Variants in LDLRAD4 observed in about 807,000 individuals in gnomAD.
The protein encoded by LDLRAD4 is low density lipoprotein receptor class A domain containing 4.
LDLRAD4 carries 5 observed loss-of-function variants against 17.0 expected under a neutral mutation model. That is an observed-to-expected ratio of 0.29 (90% CI 0.15 to 0.62). The LOEUF is 0.62. LDLRAD4 is among the 20% of genes least tolerant of loss of function. LDLRAD4 has a pLI of 0.84. For synonymous variants in LDLRAD4, 168 were observed against 171.8 expected (o/e 0.98, Z 0.17); for missense variants, 340 against 424.7 (o/e 0.80, Z 1.75).
chr18:13,257,028 G>T (rs558749344), intron 1 of LDLRAD4, among the ~76,000 whole-genome samples: 1 of 152,338 alleles, frequency 6.6e-6, no homozygotes, highest in African/African-American at 2.4e-5. Flanking sequence ...GTGCAAATTT[G>T]TTAATACTTC....
At chr18:13,510,023 A>G (rs1470807951) in intron 3 of LDLRAD4, among the ~76,000 whole-genome samples, 1 of 152,196 alleles carries the variant, frequency 6.6e-6, no homozygotes, top group Admixed American at 6.5e-5. Flanking sequence ...TAACTTTTAT[A>G]TGCACTGGGA....
At position 13,621,695 on chromosome 18, in the gene LDLRAD4, C is replaced by T. The variant is rs1249333740; in HGVS notation, c.336+424C>T. ...GTGCTGCGGGGACAAATCACGCGCT[C>T]ATCGTCACTAAACGTGCCGGCAGCA... On this transcript the variant is annotated intron_variant, in intron 4 of 5. Coordinates refer to ENST00000359446, the Ensembl canonical transcript of LDLRAD4. This position sits in a 1 kb window ranked among gnomAD's most constrained non-coding sequence, Gnocchi z 5.5. 2.6e-5 allele frequency among the ~76,000 whole-genome samples: 4 copies of T among 152,204 alleles called. No homozygotes were observed. The highest frequency in any genetic ancestry group is 9.6e-5 in the African/African-American group (4 of 41,460).
rs941846025 is a variant in LDLRAD4, at chr18:13,590,035, A to G, written c.182-31082A>G. ...TGGCTGTGCATGTGTATGGGTGTGCATGTGTGTGAGTGTGCATGTGTGTGA... is the reference window on the plus strand; with the variant it reads ...TGGCTGTGCATGTGTATGGGTGTGCGTGTGTGTGAGTGTGCATGTGTGTGA... On this transcript the variant is annotated intron_variant, in intron 3 of 5. Transcript: ENST00000359446. Among the ~76,000 whole-genome samples the G allele has an allele frequency of 2.1e-5, 3 of 141,228 alleles. No individual in the cohort carries two copies. In the East Asian group the frequency reaches 6.5e-4, roughly 31 times the overall value. The allele number at this position is 141,228 out of a possible 152,430, so 92.7% of individuals were successfully genotyped here.
At chr18:13,652,303 T>C (rs2043279581) in exon 6 of LDLRAD4, 1 of 152,250 alleles carries the variant, frequency 6.6e-6, no homozygotes, top group Non-Finnish European at 1.5e-5. Flanking sequence ...TATTTTTCAT[T>C]TCATAGCTTT....
intron 1 of LDLRAD4, among the ~76,000 whole-genome samples, chr18:13,355,202 T>A (rs750354518): frequency 6.6e-6 from 1 of 152,232 alleles, no homozygotes; most frequent in Non-Finnish European, 1.5e-5. Context: ...TTTAATCAGA[T>A]CTTACTAATT....
intron 1 of LDLRAD4, among the ~76,000 whole-genome samples, chr18:13,306,218 T>G (rs181521209): frequency 1.3e-5 from 2 of 152,378 alleles, no homozygotes; most frequent in Admixed American, 1.3e-4. Context: ...CTTATCATTT[T>G]GTGCAAATGC....
chr18:13,347,706 C>T (rs2082773581), intron 1 of LDLRAD4, among the ~76,000 whole-genome samples: 1 of 152,238 alleles, frequency 6.6e-6, no homozygotes, highest in Non-Finnish European at 1.5e-5. Context: ...CTTTCAGGTA[C>T]ACCAATCAGA....
chr18:13,256,553 A>C (rs2043515489), intron 1 of LDLRAD4, among the ~76,000 whole-genome samples: 1 of 152,246 alleles, frequency 6.6e-6, no homozygotes, highest in South Asian at 2.1e-4. Flanking sequence ...CTTCGAGATC[A>C]GTATTGTATT....
intron 3 of LDLRAD4, among the ~76,000 whole-genome samples, chr18:13,449,996 T>C (rs1414627234): frequency 6.6e-6 from 1 of 152,176 alleles, no homozygotes; most frequent in African/African-American, 2.4e-5. Context: ...TGACTTTTTG[T>C]GGAAGGACAG....
At chr18:13,302,173 T>G (rs2046645335) in intron 1 of LDLRAD4, among the ~76,000 whole-genome samples, 1 of 152,246 alleles carries the variant, frequency 6.6e-6, no homozygotes, top group Non-Finnish European at 1.5e-5. Flanking sequence ...ATGCCACTTG[T>G]AATTCACTGC....
intron 3 of LDLRAD4, among the ~76,000 whole-genome samples, chr18:13,454,767 G>T (rs1363904746): frequency 6.6e-6 from 1 of 152,254 alleles, no homozygotes; most frequent in African/African-American, 2.4e-5. Context: ...CTGGAGGGCA[G>T]AGAGGCACTG....
chr18:13,247,977 T>TTA (rs1555627116), intron 1 of LDLRAD4, among the ~76,000 whole-genome samples: 2 of 149,808 alleles, frequency 1.3e-5, no homozygotes, highest in African/African-American at 2.5e-5. Flanking sequence ...TTTTTTTTTT[T>TTA]AAAGACAGAG....
At chr18:13,355,459 C>T (rs2083282024) in intron 1 of LDLRAD4, among the ~76,000 whole-genome samples, 1 of 152,186 alleles carries the variant, frequency 6.6e-6, no homozygotes, top group African/African-American at 2.4e-5. Flanking sequence ...GAGTCAGTGG[C>T]TCATTCACAT....
At chr18:13,262,581 C>T (rs76550148) in intron 1 of LDLRAD4, among the ~76,000 whole-genome samples, 10 of 33,458 alleles carry the variant, frequency 3.0e-4, no homozygotes, top group Admixed American at 7.5e-4. Flanking sequence ...CGTGCGGCTC[C>T]GTGCGTTGGG....
Position 13,349,429 on chromosome 18 carries a change from A to G in LDLRAD4, c.-382-37912A>G, listed in dbSNP as rs993715226. Among the ~76,000 whole-genome samples the G allele has an allele frequency of 2.0e-5, 3 of 152,342 alleles. No individual in the cohort carries two copies. The South Asian group carries it at 6.2e-4, about 32-fold the overall frequency. On this transcript the variant is annotated intron_variant, in intron 1 of 5. Coordinates refer to ENST00000359446, the Ensembl canonical transcript of LDLRAD4. ...AGTGGAGTTACAGACCAAAATTACA[A>G]TAACCCTGGTTTTTATATTTGTCCA...
At chr18:13,491,004 A>T (rs754020277) in intron 3 of LDLRAD4, among the ~76,000 whole-genome samples, 3 of 152,176 alleles carry the variant, frequency 2.0e-5, no homozygotes, top group Non-Finnish European at 4.4e-5. Context: ...CTGGGCTGCC[A>T]TAGGGATTTA....
rs185345713 is a variant in LDLRAD4, at chr18:13,300,804, C to G, written c.-383+22616C>G. On this transcript the variant is annotated intron_variant, in intron 1 of 5. Coordinates refer to ENST00000359446, the Ensembl canonical transcript of LDLRAD4. This position sits in a 1 kb window ranked among gnomAD's most constrained non-coding sequence, Gnocchi z 4.2. ...CTCTGGAGGCCTCCATCTGGTCTTGCATTTCTGAGGCTGAACAGACACCTC... is the reference window on the plus strand; with the variant it reads ...CTCTGGAGGCCTCCATCTGGTCTTGGATTTCTGAGGCTGAACAGACACCTC... Among the ~76,000 whole-genome samples, 2 of 152,306 alleles carry G rather than the reference C, an allele frequency of 1.3e-5. No homozygotes were observed. The highest frequency in any genetic ancestry group is 4.8e-5 in the African/African-American group (2 of 41,568).
intron 1 of LDLRAD4, among the ~76,000 whole-genome samples, chr18:13,258,113 C>A (rs2043606051): frequency 6.6e-6 from 1 of 152,180 alleles, no homozygotes; most frequent in Admixed American, 6.5e-5. Flanking sequence ...TGTTAGATCT[C>A]CAATATCTGG....
intron 3 of LDLRAD4, chr18:13,489,987 T>A (rs138385327): frequency 1.3e-5 from 2 of 152,292 alleles, no homozygotes; most frequent in Non-Finnish European, 2.9e-5. Context: ...GAATAAAATT[T>A]AGGTTTTCCC....
Sources: gnomAD v4.1 joint callset for allele counts (sites outside exome capture counted in the v4.1 genomes callset) on GRCh38, gnomAD v4.1.1 for gene constraint, Gnocchi (gnomAD v3.1) non-coding constraint, MANE v1.5 for transcripts, NCBI Gene and HGNC (gene_info 2026-07-23, HGNC 2026-07-21) for gene names.